MBD5: variants seen among roughly 807,000 people sequenced by gnomAD.
MBD5 encodes the protein methyl-CpG-binding domain protein 5.
A neutral mutation model predicts 117.3 loss-of-function variants in MBD5; 13 were observed. The ratio of observed to expected loss-of-function variants is 0.11; its 90% CI spans 0.07 to 0.18. The LOEUF is 0.18. Ranked by LOEUF, MBD5 falls within the 10% of genes least tolerant of loss-of-function variation. The pLI is 1.00. For missense variants in MBD5, 1,879 were observed against 2,093.8 expected (o/e 0.90, Z 2.00); for synonymous variants, 727 against 766.4 (o/e 0.95, Z 0.85).
At chr2:148,203,534 T>C (rs1699196804) in intron 2 of MBD5, among the ~76,000 whole-genome samples, 1 of 152,226 alleles carries the variant, frequency 6.6e-6, no homozygotes, top group Non-Finnish European at 1.5e-5. Flanking sequence ...CAGAATATAA[T>C]GGTTTTACCT....
At chr2:148,455,657 C>T (rs954488493) in intron 4 of MBD5, among the ~76,000 whole-genome samples, 2 of 151,494 alleles carry the variant, frequency 1.3e-5, no homozygotes, top group African/African-American at 4.9e-5. Context: ...AAGCATTTGG[C>T]AGGAATCACT....
chr2:148,093,277 T>C (rs1370869419), intron 1 of MBD5, among the ~76,000 whole-genome samples: 6 of 152,172 alleles, frequency 3.9e-5, no homozygotes, highest in Admixed American at 3.9e-4. Flanking sequence ...CAAAGTAATC[T>C]CATAGGAGGC....
At chr2:148,361,509 G>A (rs1316374494) in intron 4 of MBD5, among the ~76,000 whole-genome samples, 4 of 152,178 alleles carry the variant, frequency 2.6e-5, no homozygotes, top group African/African-American at 9.7e-5. Flanking sequence ...TAGGGTATAT[G>A]TTGAATGACT....
intron 4 of MBD5, among the ~76,000 whole-genome samples, chr2:148,425,114 C>T (rs1329724816): frequency 2.0e-5 from 3 of 151,672 alleles, no homozygotes. Flanking sequence ...TTGAAAAGAT[C>T]AACAAAATAG....
intron 1 of MBD5, among the ~76,000 whole-genome samples, chr2:148,118,448 A>C (rs1696691613): frequency 6.6e-6 from 1 of 151,334 alleles, no homozygotes; most frequent in Non-Finnish European, 1.5e-5. Flanking sequence ...ATATATATAT[A>C]TATAGTTTAA....
At position 148,106,376 on chromosome 2, in the gene MBD5, A is replaced by G. The variant is rs141375564; in HGVS notation, c.-924-72324A>G. Among the ~76,000 whole-genome samples the G allele has an allele frequency of 5.6e-4, 85 of 152,016 alleles. 2 individuals are homozygous for G. In the East Asian group the frequency reaches 0.016, roughly 28 times the overall value. ...AGGAATGCCTTTTTCCTTAGAGTAT[A>G]TTTGCCTTAGACTAATAATAATATA... On this transcript the variant is annotated intron_variant, in intron 1 of 13. Coordinates refer to ENST00000642680, the MANE Select transcript of MBD5 (RefSeq NM_001378120.1).
At chr2:148,436,172 T>C (rs1270431910) in intron 4 of MBD5, among the ~76,000 whole-genome samples, 1 of 152,200 alleles carries the variant, frequency 6.6e-6, no homozygotes, top group Non-Finnish European at 1.5e-5. Context: ...TTCTGCCTGT[T>C]CTAGGAAGAT....
chr2:148,322,848 A>T (rs1194985321), intron 3 of MBD5, among the ~76,000 whole-genome samples: 2 of 151,808 alleles, frequency 1.3e-5, no homozygotes, highest in Non-Finnish European at 2.9e-5. Context: ...TTATTTATTT[A>T]TTTATTATTA....
chr2:148,495,688 G>A (rs1047411270), intron 11 of MBD5, among the ~76,000 whole-genome samples: 5 of 152,170 alleles, frequency 3.3e-5, no homozygotes, highest in African/African-American at 1.2e-4. Flanking sequence ...AGCATAAGTG[G>A]GTAGGGTGTT....
At chr2:148,149,783 G>A (rs1198183954) in intron 1 of MBD5, among the ~76,000 whole-genome samples, 8 of 151,714 alleles carry the variant, frequency 5.3e-5, no homozygotes, top group Non-Finnish European at 1.2e-4. Flanking sequence ...TTTTTGATGG[G>A]GTTGTTTGTT....
intron 3 of MBD5, among the ~76,000 whole-genome samples, chr2:148,341,770 T>G (rs1054930422): frequency 3.3e-5 from 5 of 151,986 alleles, no homozygotes; most frequent in Admixed American, 6.6e-5. Flanking sequence ...GACTGTCTTG[T>G]ATCATTATAG....
chr2:148,371,718 A>G (rs1703858071), intron 4 of MBD5, among the ~76,000 whole-genome samples: 1 of 152,190 alleles, frequency 6.6e-6, no homozygotes, highest in African/African-American at 2.4e-5. Context: ...ACTTAACGTG[A>G]GAGCCATTTT....
intron 3 of MBD5, among the ~76,000 whole-genome samples, chr2:148,267,806 A>G (rs1050102589): frequency 2.6e-5 from 4 of 151,996 alleles, no homozygotes; most frequent in Non-Finnish European, 5.9e-5. Context: ...TTCCATATGA[A>G]TTACCTATCC....
At chr2:148,159,262 A>G (rs1009753004) in intron 1 of MBD5, among the ~76,000 whole-genome samples, 10 of 152,096 alleles carry the variant, frequency 6.6e-5, no homozygotes, top group Admixed American at 6.5e-5. Context: ...AAATACAAAC[A>G]GTCCTCATTT....
intron 4 of MBD5, among the ~76,000 whole-genome samples, chr2:148,441,611 G>T (rs1427496014): frequency 2.0e-5 from 3 of 152,134 alleles, no homozygotes; most frequent in Non-Finnish European, 4.4e-5. Context: ...AATCCTTTGG[G>T]TATATACCCA....
rs554619350 is a variant in MBD5 at position 148,324,573 on chromosome 2, G to T, written c.-679-17641G>T. ...ACATCCCTTGTAAGTTGGATTCCTA[G>T]GTATTTTATTCTCTTTGAAGCAATT... On this transcript the variant is annotated intron_variant, in intron 3 of 13. Coordinates refer to ENST00000642680, the MANE Select transcript of MBD5 (RefSeq NM_001378120.1). Among the ~76,000 whole-genome samples the T allele has an allele frequency of 3.3e-3, 505 of 152,118 alleles. 1 individual carries two copies. Among genetic ancestry groups the T allele is most frequent in the Non-Finnish European group, 6.1e-3 (412 of 67,972 alleles).
At chr2:148,281,755 A>G (rs1222672211) in intron 3 of MBD5, among the ~76,000 whole-genome samples, 1 of 151,994 alleles carries the variant, frequency 6.6e-6, no homozygotes, top group Non-Finnish European at 1.5e-5. Flanking sequence ...AAGTTTTAGG[A>G]ACTAGGATTT....
chr2:148,118,968 T>C (rs1696703193), intron 1 of MBD5, among the ~76,000 whole-genome samples: 1 of 152,212 alleles, frequency 6.6e-6, no homozygotes, highest in Non-Finnish European at 1.5e-5. Context: ...TTTACTTTTA[T>C]GAGTAATGCT....
chr2:148,046,251 G>A (rs1290527748), intron 1 of MBD5, among the ~76,000 whole-genome samples: 3 of 151,854 alleles, frequency 2.0e-5, no homozygotes, highest in Admixed American at 6.6e-5. Flanking sequence ...CAAAGTGCTG[G>A]GATTACAGGC....
Sources: allele counts gnomAD v4.1 joint callset (sites outside exome capture counted in the v4.1 genomes callset), GRCh38; gene constraint gnomAD v4.1.1; transcripts MANE v1.5; gene names NCBI Gene and HGNC (gene_info 2026-07-23, HGNC 2026-07-21).